Variants in KPNA1 observed in about 807,000 individuals in gnomAD.
KPNA1 encodes the protein importin subunit alpha-5.
A neutral mutation model predicts 70.5 loss-of-function variants in KPNA1; 10 were observed. The ratio of observed to expected loss-of-function variants is 0.14; its 90% CI spans 0.09 to 0.24. The LOEUF (loss-of-function observed/expected upper bound fraction) is 0.24, where lower values mean the gene tolerates loss of function less well. Ranked by LOEUF, KPNA1 falls within the 10% of genes least tolerant of loss-of-function variation. KPNA1 has a pLI of 1.00. For synonymous variants in KPNA1, 192 were observed against 221.9 expected (o/e 0.87, Z 1.20); for missense variants, 397 against 637.9 (o/e 0.62, Z 4.07).
At chr3:122,453,774 C>A in intron 6 of KPNA1, 96 bp downstream of exon 6, 3 of 1,195,038 alleles carry the variant, frequency 2.5e-6, no homozygotes, top group Non-Finnish European at 3.5e-6. Context: ...TCGTGATCCA[C>A]CCACCTTGGC....
intron 1 of KPNA1, among the ~76,000 whole-genome samples, chr3:122,502,645 T>A (rs2076841873): frequency 6.6e-6 from 1 of 152,208 alleles, no homozygotes; most frequent in Non-Finnish European, 1.5e-5. Context: ...AGAAACTTTA[T>A]CAGACTAAAA....
At chr3:122,493,176 G>GCTGTGA (rs2076718869) in intron 2 of KPNA1, among the ~76,000 whole-genome samples, 1 of 152,050 alleles carries the variant, frequency 6.6e-6, no homozygotes, top group Non-Finnish European at 1.5e-5. Flanking sequence ...TTCACAACAG[G>GCTGTGA]ATTAAAACAT....
In KPNA1 at chr3:122,427,131, C is replaced by G; in HGVS notation, c.1471G>C (p.Glu491Gln). ...IEFLQSHENQ[E>Q]IYQKAFDLIE... ...AGATCAAAGGCCTTTTGGTAGATCT[C>G]CTGGTTTTCATGACTCTGTAAGAAC... The change falls in exon 14 of 14, where the codon GAG (glutamate) becomes CAG (glutamine). Residue 491 changes from glutamate (E) to glutamine (Q), a missense_variant. By Grantham distance (29) the Glu-to-Gln change is conservative (BLOSUM62 2). Coordinates refer to ENST00000344337, the MANE Select transcript of KPNA1 (RefSeq NM_002264.4). 2 of 1,614,082 alleles carry G rather than the reference C, an allele frequency of 1.2e-6. No individual in the cohort carries two copies. Among genetic ancestry groups the G allele is most frequent in the Non-Finnish European group, 1.7e-6 (2 of 1,179,972 alleles).
At chr3:122,438,314 T>C (rs1287098353) in intron 10 of KPNA1, among the ~76,000 whole-genome samples, 1 of 152,184 alleles carries the variant, frequency 6.6e-6, no homozygotes, top group Non-Finnish European at 1.5e-5. Context: ...ATATGCGTCC[T>C]GTATGGCCTA....
intron 1 of KPNA1, among the ~76,000 whole-genome samples, chr3:122,500,758 C>A (rs2076819609): frequency 6.6e-6 from 1 of 152,046 alleles, no homozygotes; most frequent in African/African-American, 2.4e-5. Flanking sequence ...CCTGTCTTGG[C>A]CTCTCAAAGT....
At chr3:122,486,055 T>C (rs1162072269) in intron 2 of KPNA1, among the ~76,000 whole-genome samples, 1 of 152,170 alleles carries the variant, frequency 6.6e-6, no homozygotes, top group African/African-American at 2.4e-5. Flanking sequence ...GTACAACCTA[T>C]TTTGGCAAAC....
chr3:122,494,220 A>G (rs1559751831), intron 2 of KPNA1, among the ~76,000 whole-genome samples: 1 of 152,138 alleles, frequency 6.6e-6, no homozygotes, highest in Non-Finnish European at 1.5e-5. Flanking sequence ...GCTTAGACCA[A>G]TGTCCAGAAG....
chr3:122,502,135 T>C (rs2076835981), intron 1 of KPNA1, among the ~76,000 whole-genome samples: 1 of 152,180 alleles, frequency 6.6e-6, no homozygotes, highest in African/African-American at 2.4e-5. Context: ...TTCTCACCTT[T>C]TACAGATAAG....
At chr3:122,477,681 A>C (rs564942617) in intron 2 of KPNA1, among the ~76,000 whole-genome samples, 1 of 149,252 alleles carries the variant, frequency 6.7e-6, no homozygotes, top group African/African-American at 2.6e-5. Context: ...ACCTTGTCTC[A>C]AAAAAACAAA....
At chr3:122,510,113 A>G (rs1257858975) in intron 1 of KPNA1, among the ~76,000 whole-genome samples, 1 of 152,200 alleles carries the variant, frequency 6.6e-6, no homozygotes, top group Non-Finnish European at 1.5e-5. Context: ...AGAATTTTAT[A>G]CCCAGACAAA....
intron 10 of KPNA1, among the ~76,000 whole-genome samples, chr3:122,439,684 G>A (rs974190864): frequency 3.3e-5 from 5 of 152,116 alleles, no homozygotes; most frequent in African/African-American, 1.2e-4. Context: ...GCTGTTATTA[G>A]GGGGAATAAA....
chr3:122,510,256 A>G (rs1268228536), intron 1 of KPNA1, among the ~76,000 whole-genome samples: 2 of 152,212 alleles, frequency 1.3e-5, no homozygotes, highest in Non-Finnish European at 2.9e-5. Context: ...GTAAACCAAG[A>G]AAGAAAATAC....
intron 10 of KPNA1, among the ~76,000 whole-genome samples, chr3:122,440,969 C>T (rs1014681503): frequency 2.0e-5 from 3 of 152,160 alleles, no homozygotes; most frequent in Non-Finnish European, 4.4e-5. Context: ...AATCTAATCT[C>T]CTTAATTTTA....
chr3:122,464,608 G>A (rs2076360708), intron 3 of KPNA1, among the ~76,000 whole-genome samples: 1 of 152,112 alleles, frequency 6.6e-6, no homozygotes, highest in Non-Finnish European at 1.5e-5. Flanking sequence ...TATAAATCCA[G>A]CCACTGCCAA....
chr3:122,448,387 T>C (rs10934594), intron 9 of KPNA1, among the ~76,000 whole-genome samples: 34,086 of 152,096 alleles, frequency 0.22, 4,238 homozygotes, highest in Non-Finnish European at 0.27. Context: ...ATGTGGTACA[T>C]ATACACCACG....
At chr3:122,496,968 G>A (rs2076769319) in intron 1 of KPNA1, among the ~76,000 whole-genome samples, 1 of 152,140 alleles carries the variant, frequency 6.6e-6, no homozygotes, top group Non-Finnish European at 1.5e-5. Flanking sequence ...CCTCCCAAAG[G>A]GCTGGGATTT....
intron 5 of KPNA1, among the ~76,000 whole-genome samples, chr3:122,455,271 T>C (rs1168147233): frequency 1.3e-5 from 2 of 152,144 alleles, no homozygotes; most frequent in African/African-American, 2.4e-5. Context: ...ACATAACCAA[T>C]GGATGTTCCA....
chr3:122,458,754 CTAAT>C (rs2076291488), intron 5 of KPNA1, among the ~76,000 whole-genome samples: 1 of 152,286 alleles, frequency 6.6e-6, no homozygotes, highest in Admixed American at 6.5e-5. Context: ...CAGAGCATGT[CTAAT>C]TATTTGAAAG....
chr3:122,458,193 T>C (rs772975227), intron 5 of KPNA1, among the ~76,000 whole-genome samples: 1 of 152,216 alleles, frequency 6.6e-6, no homozygotes, highest in Non-Finnish European at 1.5e-5. Flanking sequence ...CATCTCAGCA[T>C]TGCAAAGGAC....
Sources: gnomAD v4.1 joint callset for allele counts (sites outside exome capture counted in the v4.1 genomes callset) on GRCh38, gnomAD v4.1.1 for gene constraint, MANE v1.5 for transcripts, NCBI Gene and HGNC (gene_info 2026-07-23, HGNC 2026-07-21) for gene names.